The following PLEKHG4B variants were observed in gnomAD, a reference collection of about 807,000 sequenced individuals.
The protein encoded by PLEKHG4B is pleckstrin homology and RhoGEF domain containing G4B, also known as pleckstrin homology domain-containing family G member 4B.
Under a neutral mutation model 121.3 loss-of-function variants are expected in PLEKHG4B, and 111 were observed. That is an observed-to-expected ratio of 0.92 (90% CI 0.78 to 1.07). PLEKHG4B has a LOEUF of 1.07. PLEKHG4B is among the 50% of genes least tolerant of loss of function. The probability of loss-of-function intolerance (pLI) is 0.00; values close to 1 mark genes in which losing one functional copy is unlikely to be tolerated. For missense variants in PLEKHG4B, 1,831 were observed against 1,757.8 expected (o/e 1.04, Z -0.74); for synonymous variants, 738 against 725.0 (o/e 1.02, Z -0.29).
chr5:113,406 C>T lies in PLEKHG4B; in HGVS notation c.201C>T (p.Leu67=). 2.5e-6 allele frequency: 1 copy of T among 399,102 alleles called. No individual in the cohort carries two copies. Among genetic ancestry groups the T allele is most frequent in the Non-Finnish European group, 4.4e-6 (1 of 226,118 alleles). 24.7% of individuals were successfully genotyped at this position (399,102 alleles called of 1,614,324 possible). ...DGLHCLTSFL[L]PAKRALQHLQ... ...TGCACTGCCTCACCAGCTTCCTCCT[C>T]CCAGCCAAGAGGGCCCTGCAGCACC... Residue 67 remains leucine (L), a synonymous_variant, in exon 2 of 20, where the codon CTC becomes CTT. Transcript: ENST00000637938. This position sits in a 1 kb window ranked among gnomAD's most constrained non-coding sequence, Gnocchi z 5.2.
intron 18 of PLEKHG4B, among the ~76,000 whole-genome samples, chr5:181,074 C>G (rs913181290): frequency 6.6e-6 from 1 of 152,178 alleles, no homozygotes; most frequent in Admixed American, 6.5e-5. Flanking sequence ...AGAATAAGTT[C>G]ATTCCCAAAC....
rs746935465 is a variant in PLEKHG4B at position 156,143 on chromosome 5, C to G, written c.2281C>G (p.Leu761Val). Reference protein sequence around the residue: ...LVLEDPLLVSLRLEGGTVLAR... With the variant: ...LVLEDPLLVSVRLEGGTVLAR... Reference sequence around the variant, plus strand: ...CCTGGAAGACCCACTGCTTGTGTCTCTCAGGCTGGAGGGGGGCACCGTCCT... The same window carrying G: ...CCTGGAAGACCCACTGCTTGTGTCTGTCAGGCTGGAGGGGGGCACCGTCCT... The change falls in exon 10 of 20, where the codon CTC (leucine) becomes GTC (valine). Residue 761 changes from leucine (L) to valine (V), a missense_variant. By Grantham distance (32) the Leu-to-Val change is conservative. Coordinates refer to ENST00000637938, the MANE Select transcript of PLEKHG4B (RefSeq NM_052909.5). This position sits in a 1 kb window ranked among gnomAD's most constrained non-coding sequence, Gnocchi z 4.4. 7.5e-6 allele frequency: 12 copies of G among 1,596,348 alleles called. No homozygotes were observed. The highest frequency in any genetic ancestry group is 9.4e-6 in the Non-Finnish European group (11 of 1,171,546).
intron 17 of PLEKHG4B, 67 bp downstream of exon 17, chr5:173,134 G>T: frequency 1.3e-6 from 2 of 1,519,026 alleles, no homozygotes; most frequent in Non-Finnish European, 9.1e-7. Context: ...TCGGACCCTT[G>T]TCTCACCTAA....
In PLEKHG4B at chr5:183,158, A is replaced by T. The variant is rs1239583706; in HGVS notation, c.*835A>T. ...CAGGAATGGGGATAATTAGCCCTAG[A>T]CTGAGCCCTGCTCCTGACTCGCCTA... On this transcript the variant is annotated 3_prime_UTR_variant, in exon 20 of 20. Transcript: ENST00000637938. The T allele has an allele frequency of 6.6e-6, 1 of 152,256 alleles. No individual in the cohort carries two copies. The highest frequency in any genetic ancestry group is 1.5e-5 in the Non-Finnish European group (1 of 68,056). 9.4% of individuals were successfully genotyped at this position (152,256 alleles called of 1,614,324 possible).
intron 18 of PLEKHG4B, among the ~76,000 whole-genome samples, chr5:180,041 C>T (rs1370672229): frequency 1.3e-5 from 2 of 152,172 alleles, no homozygotes; most frequent in Non-Finnish European, 2.9e-5. Context: ...AAACCTTTAT[C>T]TCGTGGATGT....
Position 155,457 on chromosome 5 carries a change from C to T in PLEKHG4B, c.2208+14C>T. On this transcript the variant is annotated intron_variant, in intron 9 of 19. Transcript: ENST00000637938. ...AGAACAGCCCAGGTGAGTCCTCAGA[C>T]TTGCAGGTAAGTTCATTTCATGTGA... is the stretch of plus-strand genomic sequence containing the variant. 3 of 1,601,136 alleles carry T rather than the reference C, an allele frequency of 1.9e-6. No individual in the cohort carries two copies. The highest frequency in any genetic ancestry group is 1.7e-6 in the Non-Finnish European group (2 of 1,168,094).
intron 2 of PLEKHG4B, among the ~76,000 whole-genome samples, chr5:125,093 A>C (rs1734574896): frequency 6.6e-6 from 1 of 152,124 alleles, no homozygotes; most frequent in South Asian, 2.1e-4. Context: ...AGATCACACC[A>C]CTCAACTCCA....
In PLEKHG4B at chr5:182,667, C is replaced by T. The variant is rs866888386; in HGVS notation, c.*344C>T. ...ACAAAGGACCGCGATCCCTGAGAGACAGGAAAACGGGAGGTGAGCCCGGTG... is the reference window on the plus strand; with the variant it reads ...ACAAAGGACCGCGATCCCTGAGAGATAGGAAAACGGGAGGTGAGCCCGGTG... On this transcript the variant is annotated 3_prime_UTR_variant, in exon 20 of 20. Coordinates refer to ENST00000637938, the MANE Select transcript of PLEKHG4B (RefSeq NM_052909.5). The T allele has an allele frequency of 6.2e-5, 17 of 275,788 alleles. No individual in the cohort carries two copies. The Middle Eastern group carries it at 5.1e-3, about 82-fold the overall frequency. 17.1% of individuals were successfully genotyped at this position (275,788 alleles called of 1,614,324 possible).
intron 19 of PLEKHG4B, 115 bp downstream of exon 19, chr5:181,790 G>A (rs573753613): frequency 3.2e-4 from 450 of 1,427,162 alleles, no homozygotes; most frequent in Non-Finnish European, 4.0e-4. Context: ...AGTGCACCAG[G>A]CCTGTCGTCA....
At chr5:130,451 C>T (rs1294685848) in intron 2 of PLEKHG4B, among the ~76,000 whole-genome samples, 1 of 152,124 alleles carries the variant, frequency 6.6e-6, no homozygotes, top group East Asian at 1.9e-4. Flanking sequence ...CCCTTAACGC[C>T]CCCCCATGCC....
rs560585300 is a variant in PLEKHG4B, at chr5:159,897, C to T, written c.2488-1886C>T. Among the ~76,000 whole-genome samples the T allele has an allele frequency of 9.0e-4, 137 of 152,256 alleles. No individual in the cohort carries two copies. The highest frequency in any genetic ancestry group is 3.1e-3 in the African/African-American group (129 of 41,552). On this transcript the variant is annotated intron_variant, in intron 11 of 19. Transcript: ENST00000637938. The surrounding 1 kb of genome is among the most constrained non-coding windows in gnomAD (Gnocchi z 5.5). ...TGCTCTCCTCAGGCCCTGCCACTCC[C>T]GCTTCCTTCCCGGCCTCCAGGTTTG...
intron 1 of PLEKHG4B, among the ~76,000 whole-genome samples, chr5:92,687 G>C (rs539012608): frequency 1.3e-5 from 2 of 151,684 alleles, no homozygotes; most frequent in African/African-American, 4.9e-5. Context: ...AAGAAATAAC[G>C]CTTTCTGGAC....
chr5:144,858 C>A lies in PLEKHG4B; in HGVS notation c.1843C>A (p.Leu615Met). 6.2e-7 allele frequency: 1 copy of A among 1,613,404 alleles called. No individual in the cohort carries two copies. The highest frequency in any genetic ancestry group is 8.5e-7 in the Non-Finnish European group (1 of 1,179,964). The change falls in exon 6 of 20, where the codon CTG (leucine) becomes ATG (methionine). Residue 615 changes from leucine to methionine, a missense_variant. Leu to Met is a conservative substitution (Grantham distance 15). Transcript: ENST00000637938. ...KEVRDLGLVVLVDARRSPAAP... is the reference protein window; with the variant it reads ...KEVRDLGLVVMVDARRSPAAP... ...GGTCCGGGACCTGGGGCTGGTTGTC[C>A]TGGTGGATGCACGCAGGAGTCCAGC...
Position 185,275 on chromosome 5 carries a change from C to T in PLEKHG4B, c.*2952C>T, listed in dbSNP as rs1440292134. The T allele has an allele frequency of 6.6e-6, 1 of 152,274 alleles. No individual in the cohort carries two copies. The highest frequency in any genetic ancestry group is 6.5e-5 in the Admixed American group (1 of 15,290). 9.4% of individuals were successfully genotyped at this position (152,274 alleles called of 1,614,324 possible). On this transcript the variant is annotated 3_prime_UTR_variant, in exon 20 of 20. Transcript: ENST00000637938. ...CGCCGGCAAGCCACAGACAGGCCTGCTCTCTGAATTGGTGACCACATGAGT... is the reference window on the plus strand; with the variant it reads ...CGCCGGCAAGCCACAGACAGGCCTGTTCTCTGAATTGGTGACCACATGAGT...
chr5:175,286 C>T (rs1736722378), intron 18 of PLEKHG4B, among the ~76,000 whole-genome samples: 1 of 152,074 alleles, frequency 6.6e-6, no homozygotes, highest in Admixed American at 6.5e-5. Context: ...CTTCCCCAGG[C>T]CTCCTCCCTC....
At chr5:160,258 G>C (rs1057163803) in intron 11 of PLEKHG4B, among the ~76,000 whole-genome samples, 12 of 152,174 alleles carry the variant, frequency 7.9e-5, no homozygotes, top group African/African-American at 2.9e-4. Context: ...GAAGGCCCTG[G>C]GCTCCTCCCC....
rs762907284 is a variant in PLEKHG4B at position 140,584 on chromosome 5, G to A, written c.1345G>A (p.Gly449Arg). Residue 449 changes from glycine (G) to arginine (R), a missense_variant, in exon 3 of 20, where the codon GGG becomes AGG. Gly to Arg is a moderately radical substitution (Grantham distance 125). Transcript: ENST00000637938. ...SWERAPRSSR[G>R]AQAAACHTSH... ...GGAAAGGGCACCCAGAAGCTCCAGA[G>A]GGGCCCAGGCTGCAGCCTGCCACAC... 7.5e-6 allele frequency: 12 copies of A among 1,609,554 alleles called. No homozygotes were observed. The highest frequency in any genetic ancestry group is 1.0e-5 in the Non-Finnish European group (12 of 1,178,508).
At chr5:132,545 A>T (rs955847386) in intron 2 of PLEKHG4B, among the ~76,000 whole-genome samples, 2 of 152,162 alleles carry the variant, frequency 1.3e-5, no homozygotes, top group African/African-American at 4.8e-5. Flanking sequence ...TTAAGTCTGT[A>T]ATCCATCTTG....
At chr5:152,893 G>T (rs1378262428) in intron 7 of PLEKHG4B, among the ~76,000 whole-genome samples, 1 of 152,168 alleles carries the variant, frequency 6.6e-6, no homozygotes, top group African/African-American at 2.4e-5. Flanking sequence ...TCCTTACTCT[G>T]TCTCTTGCCT....
Sources: gnomAD v4.1 joint callset for allele counts (sites outside exome capture counted in the v4.1 genomes callset) on GRCh38, gnomAD v4.1.1 for gene constraint, Gnocchi (gnomAD v3.1) non-coding constraint, MANE v1.5 for transcripts, NCBI Gene and HGNC (gene_info 2026-07-23, HGNC 2026-07-21) for gene names.